The following CCDC32 variants were observed in gnomAD, a reference collection of about 807,000 sequenced individuals.
CCDC32 encodes the protein coiled-coil domain containing 32, also known as coiled-coil domain-containing protein 32.
A neutral mutation model predicts 20.1 loss-of-function variants in CCDC32; 9 were observed. The ratio of observed to expected loss-of-function variants is 0.45; its 90% confidence interval spans 0.27 to 0.78. The LOEUF (loss-of-function observed/expected upper bound fraction) is 0.78, where lower values mean the gene tolerates loss of function less well. CCDC32 is among the 30% of genes least tolerant of loss of function. The pLI is 0.16. For synonymous variants in CCDC32, 63 were observed against 79.0 expected, an observed-to-expected ratio of 0.80 and a Z score of 1.07; for missense variants, 204 against 215.5, an observed-to-expected ratio of 0.95 and a Z score of 0.33.
At chr15:40,523,504 CAAAA>C in the CCDC32 span, among the ~76,000 whole-genome samples, 2 of 88,534 alleles carry the variant, frequency 2.3e-5, no homozygotes, top group Non-Finnish European at 4.2e-5. Context: ...AACTCCATCT[CAAAA>C]AAAAAAAAAA....
At chr15:40,563,133 CA>C in intron 1 of CCDC32, 106 bp from the exon 2 acceptor site, 1 of 1,353,340 alleles carries the variant, frequency 7.4e-7, no homozygotes, top group East Asian at 2.3e-5. Context: ...GAAGCCGAGG[CA>C]GTCAGATCAT....
intron 3 of CCDC32, among the ~76,000 whole-genome samples, chr15:40,545,725 C>T (rs979088372): frequency 6.6e-6 from 1 of 152,130 alleles, no homozygotes; most frequent in African/African-American, 2.4e-5. Flanking sequence ...ATCCTGGCAC[C>T]ACCACCTGCT....
downstream of CCDC32, chr15:40,532,220 T>C: frequency 1.4e-6 from 1 of 691,564 alleles, no homozygotes; most frequent in Non-Finnish European, 2.7e-6. Flanking sequence ...TGCGTTCATA[T>C]GGAATGTCTA....
At chr15:40,532,714 CTTT>C (rs1189285245), downstream of CCDC32, among the ~76,000 whole-genome samples, 12 of 91,454 alleles carry the variant, frequency 1.3e-4, no homozygotes, top group African/African-American at 4.0e-4. Flanking sequence ...TGTTTTCTTT[CTTT>C]TTTTTTTTTT....
intron 3 of CCDC32, among the ~76,000 whole-genome samples, chr15:40,529,038 G>T (rs940784232): frequency 3.3e-5 from 5 of 152,242 alleles, no homozygotes; most frequent in Admixed American, 6.5e-5. Flanking sequence ...GTGAAGGTCA[G>T]CTCAGCTGGA....
intron 2 of CCDC32, 35 bp from the exon 3 acceptor site, chr15:40,557,407 A>G: frequency 6.4e-7 from 1 of 1,554,004 alleles, no homozygotes; most frequent in Non-Finnish European, 8.7e-7. Context: ...AAGGAAAATG[A>G]GCATGACATG....
rs142406641 is a variant in CCDC32 at position 40,554,082 on chromosome 15, G to A, written c.447C>T (p.Ala149=). 67 of 1,613,874 alleles carry A rather than the reference G, an allele frequency of 4.2e-5. No homozygotes were observed. Among genetic ancestry groups the A allele is most frequent in the East Asian group, 2.5e-4 (11 of 44,888 alleles). Residue 149 remains alanine (A), a synonymous_variant, in exon 4 of 4, where the codon GCC becomes GCT. Coordinates refer to ENST00000416810, the MANE Select transcript of CCDC32 (RefSeq NM_001080792.4). ...FKRWLQPDKV[A]VSTEEVQYLI... is the part of the protein sequence containing the mutation. ...GATACTGGACCTCCTCTGTGCTGAC[G>A]GCTACTTTATCTGGCTGGAGCCACC...
chr15:40,555,800 C>T (rs1286071170), intron 3 of CCDC32, among the ~76,000 whole-genome samples: 1 of 152,202 alleles, frequency 6.6e-6, no homozygotes, highest in Non-Finnish European at 1.5e-5. Context: ...TTCTCAACAC[C>T]AATGTCCATA....
chr15:40,560,706 A>T (rs1041149306), intron 2 of CCDC32, among the ~76,000 whole-genome samples: 4 of 152,238 alleles, frequency 2.6e-5, no homozygotes, highest in Non-Finnish European at 4.4e-5. Flanking sequence ...CACTATTAAA[A>T]AGTCAAAAGA....
At chr15:40,540,003 G>A (rs975487735) in intron 3 of CCDC32, among the ~76,000 whole-genome samples, 3 of 152,134 alleles carry the variant, frequency 2.0e-5, no homozygotes, top group East Asian at 1.9e-4. Flanking sequence ...TTCAAATTGC[G>A]GCAAAATCTA....
chr15:40,539,401 TAC>T (rs1262224335), intron 3 of CCDC32: 29 of 1,472,784 alleles, frequency 2.0e-5, no homozygotes, highest in Non-Finnish European at 2.5e-5. Flanking sequence ...GATAGACAGA[TAC>T]AGTCAGAGGC....
At chr15:40,557,032 G>A in intron 3 of CCDC32, 184 bp downstream of exon 3, 1 of 577,108 alleles carries the variant, frequency 1.7e-6, no homozygotes, top group Non-Finnish European at 2.9e-6. Context: ...CAAGTTCATT[G>A]CATACTTAAA....
chr15:40,539,014 G>C (rs1889254431), downstream of CCDC32: 5 of 548,604 alleles, frequency 9.1e-6, no homozygotes, highest in East Asian at 1.6e-4. Context: ...GGGTTCTCTA[G>C]CTGGCTCTGA....
At chr15:40,535,654 C>T, downstream of CCDC32, 1 of 985,352 alleles carries the variant, frequency 1.0e-6, no homozygotes, top group East Asian at 1.1e-4. Context: ...AACAACACAC[C>T]AGGCTCCTTG....
At position 40,554,001 on chromosome 15, in the gene CCDC32, G is replaced by C. The variant is rs751196938; in HGVS notation, c.528C>G (p.Ala176=). ...EKPVAEDEPA[A]GDKPAAAEQ ...GTTCTGCTGCTGCTGGCTTGTCCCC[G>C]GCTGCTGGCTCGTCCTCGGCCACTG... Residue 176 remains alanine, a synonymous_variant, in exon 4 of 4, where the codon GCC becomes GCG. Coordinates refer to ENST00000416810, the MANE Select transcript of CCDC32 (RefSeq NM_001080792.4). 1 of 1,609,416 alleles carries C rather than the reference G, an allele frequency of 6.2e-7. No homozygotes were observed. Among genetic ancestry groups the C allele is most frequent in the Non-Finnish European group, 8.5e-7 (1 of 1,178,902 alleles).
chr15:40,543,428 CCTCT>C (rs1285179360), intron 3 of CCDC32, among the ~76,000 whole-genome samples: 8 of 151,982 alleles, frequency 5.3e-5, no homozygotes, highest in South Asian at 2.1e-4. Context: ...GATTCGTCAG[CCTCT>C]CTCTCTGTTT....
chr15:40,530,303 A>AAAG (rs1888834696), downstream of CCDC32, among the ~76,000 whole-genome samples: 1 of 149,822 alleles, frequency 6.7e-6, no homozygotes, highest in African/African-American at 2.4e-5. Context: ...AAAAAAAAAA[A>AAAG]AAAAAAAGTG....
downstream of CCDC32, chr15:40,535,652 A>C: frequency 1.0e-6 from 1 of 985,344 alleles, no homozygotes; most frequent in Non-Finnish European, 1.2e-6. Context: ...TGAACAACAC[A>C]CCAGGCTCCT....
At chr15:40,539,840 C>CACACACACACACACACACACACA (rs1555413863) in intron 3 of CCDC32, among the ~76,000 whole-genome samples, 5 of 134,542 alleles carry the variant, frequency 3.7e-5, no homozygotes, top group South Asian at 2.5e-4. Context: ...CAAACTGTTG[C>CACACACACACACACACACACACA]CACACACACA....
Sources: allele counts gnomAD v4.1 joint callset (sites outside exome capture counted in the v4.1 genomes callset), GRCh38; gene constraint gnomAD v4.1.1; transcripts MANE v1.5; gene names NCBI Gene and HGNC (gene_info 2026-07-23, HGNC 2026-07-21).